The following BAZ2B variants were observed in gnomAD, a reference collection of about 807,000 sequenced individuals.
BAZ2B encodes bromodomain adjacent to zinc finger domain 2B.
In BAZ2B, 91 loss-of-function variants were observed where a neutral mutation model predicts 246.0. That is an observed-to-expected ratio of 0.37 (90% CI 0.31 to 0.44). The LOEUF (loss-of-function observed/expected upper bound fraction) is 0.44. BAZ2B is among the 20% of genes least tolerant of loss of function. BAZ2B has a pLI of 1.00. For synonymous variants in BAZ2B, 855 were observed against 860.0 expected (o/e 0.99, Z 0.10); for missense variants, 2,332 against 2,533.7 (o/e 0.92, Z 1.71).
intron 1 of BAZ2B, among the ~76,000 whole-genome samples, chr2:159,563,712 G>A (rs1038995728): frequency 2.6e-5 from 4 of 152,052 alleles, no homozygotes; most frequent in African/African-American, 7.2e-5. Flanking sequence ...CAGAGTTTCG[G>A]ATTTGGAAGA....
rs2072791897 is a variant in BAZ2B at position 159,438,314 on chromosome 2, T to C, written c.1282A>G (p.Arg428Gly). 6 of 1,612,214 alleles carry C rather than the reference T, an allele frequency of 3.7e-6. No individual in the cohort carries two copies. The highest frequency in any genetic ancestry group is 1.3e-5 in the African/African-American group (1 of 74,734). ...EESSLLTSEL[R>G]SKREQYKQAF... The stretch of plus-strand genomic sequence containing the variant: ...AATTTGTAACTCACCCGTTTGGATC[T>C]CAATTCACTGGTCAATAAACTAGAT... The change falls in exon 8 of 37, where the codon AGA (arginine) becomes GGA (glycine). Residue 428 changes from arginine (R) to glycine (G), a missense_variant. By Grantham distance (125) the Arg-to-Gly change is moderately radical (BLOSUM62 -2). Transcript: ENST00000392783.
chr2:159,612,282 T>G (rs114268251), intron 1 of BAZ2B, among the ~76,000 whole-genome samples: 93 of 152,124 alleles, frequency 6.1e-4, no homozygotes, highest in African/African-American at 2.1e-3. Flanking sequence ...GGATTAACAT[T>G]TATTAAAAAG....
chr2:159,424,019 A>T (rs969034559), intron 13 of BAZ2B, among the ~76,000 whole-genome samples: 10 of 152,174 alleles, frequency 6.6e-5, no homozygotes, highest in Non-Finnish European at 1.2e-4. Flanking sequence ...AAAAGTTGAG[A>T]GAAAAATAAA....
chr2:159,493,879 A>G (rs2080780260), intron 2 of BAZ2B, among the ~76,000 whole-genome samples: 1 of 152,210 alleles, frequency 6.6e-6, no homozygotes, highest in South Asian at 2.1e-4. Flanking sequence ...GTATTAGTTA[A>G]AAAGAACTGA....
At chr2:159,645,748 G>T in the BAZ2B span, among the ~76,000 whole-genome samples, 47,527 of 151,954 alleles carry the variant, frequency 0.31, 9,381 homozygotes, top group Admixed American at 0.48. Context: ...TTAAAGCTGG[G>T]TGTCCGGGGG....
intron 19 of BAZ2B, among the ~76,000 whole-genome samples, chr2:159,396,803 G>A (rs1296016705): frequency 6.6e-6 from 1 of 152,038 alleles, no homozygotes; most frequent in East Asian, 1.9e-4. Flanking sequence ...TAATTGTATA[G>A]TGATCCAACT....
chr2:159,683,178 A>G, the BAZ2B span, among the ~76,000 whole-genome samples: 6 of 152,028 alleles, frequency 3.9e-5, no homozygotes, highest in South Asian at 1.2e-3. Flanking sequence ...TTTCTTTGGG[A>G]AAATACGTTC....
intron 1 of BAZ2B, among the ~76,000 whole-genome samples, chr2:159,565,417 A>C (rs923518946): frequency 6.6e-6 from 1 of 152,220 alleles, no homozygotes; most frequent in African/African-American, 2.4e-5. Context: ...TGCTGATGAC[A>C]TGATCTAGAG....
At chr2:159,656,120 A>G in the BAZ2B span, among the ~76,000 whole-genome samples, 1 of 152,300 alleles carries the variant, frequency 6.6e-6, no homozygotes, top group Admixed American at 6.5e-5. Flanking sequence ...CTGGACTTAA[A>G]GTTCAGAATT....
intron 31 of BAZ2B, among the ~76,000 whole-genome samples, chr2:159,344,683 T>C (rs1464167924): frequency 1.3e-5 from 2 of 152,036 alleles, no homozygotes; most frequent in East Asian, 1.9e-4. Flanking sequence ...CAGAATGCTA[T>C]ACAACCATAA....
the BAZ2B span, among the ~76,000 whole-genome samples, chr2:159,640,408 T>C: frequency 2.0e-5 from 3 of 152,132 alleles, no homozygotes; most frequent in East Asian, 5.8e-4. Flanking sequence ...ATTCTTCTTC[T>C]TGGCATATGA....
chr2:159,339,308 T>C (rs2066224148), intron 31 of BAZ2B, among the ~76,000 whole-genome samples: 1 of 152,016 alleles, frequency 6.6e-6, no homozygotes, highest in Admixed American at 6.6e-5. Flanking sequence ...GAGGATGAGA[T>C]AGTTCCTGTG....
intron 1 of BAZ2B, among the ~76,000 whole-genome samples, chr2:159,559,686 A>C (rs1378644484): frequency 1.3e-5 from 2 of 152,156 alleles, no homozygotes; most frequent in Non-Finnish European, 2.9e-5. Context: ...TGAGGAAAAA[A>C]ATATGTGAAA....
At chr2:159,351,214 G>C (rs2058528338) in intron 27 of BAZ2B, among the ~76,000 whole-genome samples, 1 of 152,080 alleles carries the variant, frequency 6.6e-6, no homozygotes, top group South Asian at 2.1e-4. Context: ...ATTAAGGAAA[G>C]AAATTCTACT....
In BAZ2B at chr2:159,512,195, A is replaced by C. The variant is rs534845177; in HGVS notation, c.-2-33474T>G. Among the ~76,000 whole-genome samples the C allele has an allele frequency of 3.0e-4, 45 of 152,292 alleles. No homozygotes were observed. In the East Asian group the frequency reaches 8.7e-3, roughly 29 times the overall value. On this transcript the variant is annotated intron_variant, in intron 2 of 36. Transcript: ENST00000392783. ...TCTGTATGTTTGACATGGCTTTGTA[A>C]AAATATTTCTTTCTTGCAGTTTGTC...
intron 1 of BAZ2B, among the ~76,000 whole-genome samples, chr2:159,584,245 C>T (rs1362154124): frequency 1.3e-5 from 2 of 152,000 alleles, no homozygotes; most frequent in Admixed American, 1.3e-4. Flanking sequence ...CCTTAGCCTC[C>T]CGAGTAGCTG....
At chr2:159,491,646 G>A (rs1303128714) in intron 2 of BAZ2B, among the ~76,000 whole-genome samples, 4 of 138,862 alleles carry the variant, frequency 2.9e-5, no homozygotes, top group Non-Finnish European at 4.6e-5. Context: ...GCGTGAACCC[G>A]GGAGGCGGAG....
rs187337429 is a variant in BAZ2B at position 159,470,668 on chromosome 2, G to C, written c.145+7907C>G. On this transcript the variant is annotated intron_variant, in intron 3 of 36. Coordinates refer to ENST00000392783, the MANE Select transcript of BAZ2B (RefSeq NM_013450.4). ...AGTGTACAGACTCAAGCTTTATTTTGAAGGTAGAATCAACAGACTTTAGAT... is the reference window on the plus strand; with the variant it reads ...AGTGTACAGACTCAAGCTTTATTTTCAAGGTAGAATCAACAGACTTTAGAT... Among the ~76,000 whole-genome samples the C allele has an allele frequency of 4.5e-4, 68 of 152,284 alleles. 2 individuals are homozygous for C. In the East Asian group the frequency reaches 0.012, roughly 28 times the overall value.
Position 159,348,686 on chromosome 2 carries a change from T to C in BAZ2B, c.5285A>G (p.Asn1762Ser), listed in dbSNP as rs747467502. The C allele has an allele frequency of 1.9e-6, 3 of 1,598,212 alleles. No individual in the cohort carries two copies. Among genetic ancestry groups the C allele is most frequent in the Non-Finnish European group, 2.6e-6 (3 of 1,176,080 alleles). The change falls in exon 30 of 37, where the codon AAT becomes AGT. Residue 1762 changes from asparagine (N) to serine (S), a missense_variant. Asn to Ser is a conservative substitution (Grantham distance 46). This residue lies in a region of BAZ2B where 676 missense variants were observed against 668.6 expected (regional missense o/e 1.01). Coordinates refer to ENST00000392783, the MANE Select transcript of BAZ2B (RefSeq NM_013450.4). ...ATCTTTTAGGTACACACCATCCTTA[T>C]TCTTGAGGCAGGCTTGAGTAATATA... Reference protein sequence around the residue: ...LDYITQACLKNKDVAIIELNE... With the variant: ...LDYITQACLKSKDVAIIELNE...
Sources: allele counts gnomAD v4.1 joint callset (sites outside exome capture counted in the v4.1 genomes callset), GRCh38; gene constraint gnomAD v4.1.1; regional missense constraint gnomAD v4.1.1; transcripts MANE v1.5; gene names NCBI Gene and HGNC (gene_info 2026-07-23, HGNC 2026-07-21).